Variants in VWC2L observed in about 807,000 individuals in gnomAD.
VWC2L encodes von Willebrand factor C domain containing 2 like.
VWC2L carries 10 observed loss-of-function variants against 21.6 expected under a neutral mutation model. The ratio of observed to expected loss-of-function variants is 0.46; its 90% CI spans 0.29 to 0.78. The LOEUF is 0.78. VWC2L is among the 30% of genes least tolerant of loss of function. The pLI is 0.10. For missense variants in VWC2L, 209 were observed against 277.1 expected, an observed-to-expected ratio of 0.75 and a Z score of 1.74; for synonymous variants, 96 against 94.3, an observed-to-expected ratio of 1.02 and a Z score of -0.10.
At chr2:214,470,198 A>C (rs1452520465) in intron 3 of VWC2L, among the ~76,000 whole-genome samples, 1 of 150,552 alleles carries the variant, frequency 6.6e-6, no homozygotes, top group African/African-American at 2.5e-5. Flanking sequence ...CTTGGAAATC[A>C]TTTTTGATAA....
rs184621584 is a variant in VWC2L, at chr2:214,444,357, T to G, written c.520+7599T>G. On this transcript the variant is annotated intron_variant, in intron 3 of 3. Coordinates refer to ENST00000312504, the MANE Select transcript of VWC2L (RefSeq NM_001080500.4). ...ATGGGCCAAAAACTTCAAAAGACAT[T>G]CCAGAGAAAATGAATAAACATTAAT... 1.3e-4 allele frequency among the ~76,000 whole-genome samples: 19 copies of G among 151,936 alleles called. No homozygotes were observed. The East Asian group carries it at 3.7e-3, about 29-fold the overall frequency.
chr2:214,413,474 G>C (rs955936845), intron 1 of VWC2L, among the ~76,000 whole-genome samples: 4 of 151,934 alleles, frequency 2.6e-5, no homozygotes, highest in African/African-American at 9.7e-5. Flanking sequence ...AATCACTATG[G>C]AATAGTTATG....
At chr2:214,491,328 G>T (rs1389531760) in intron 3 of VWC2L, among the ~76,000 whole-genome samples, 2 of 152,138 alleles carry the variant, frequency 1.3e-5, no homozygotes, top group African/African-American at 4.8e-5. Context: ...GAAGAAAGGG[G>T]TAATGTTTGG....
intron 3 of VWC2L, among the ~76,000 whole-genome samples, chr2:214,438,742 C>T (rs1214595237): frequency 2.6e-5 from 4 of 152,004 alleles, no homozygotes; most frequent in African/African-American, 7.2e-5. Flanking sequence ...TTCTCTCAAC[C>T]ATGTCAGAGT....
rs61621796 is a variant in VWC2L at position 214,438,840 on chromosome 2, C to A, written c.520+2082C>A. Among the ~76,000 whole-genome samples the A allele has an allele frequency of 8.6e-3, 1,312 of 152,016 alleles. 18 individuals are homozygous for A. Among genetic ancestry groups the A allele is most frequent in the African/African-American group, 0.029 (1,192 of 41,520 alleles). On this transcript the variant is annotated intron_variant, in intron 3 of 3. Coordinates refer to ENST00000312504, the MANE Select transcript of VWC2L (RefSeq NM_001080500.4). ...GTTCAATCAGTTAATTAATTAGTAA[C>A]CACTAGTATTTCTGATAAACAGATG...
At chr2:214,562,797 C>G (rs1053184366) in intron 3 of VWC2L, among the ~76,000 whole-genome samples, 2 of 152,104 alleles carry the variant, frequency 1.3e-5, no homozygotes, top group African/African-American at 2.4e-5. Flanking sequence ...ACGTCCTTTG[C>G]CCACTTTTTA....
chr2:214,447,350 C>G (rs763410041), intron 3 of VWC2L, among the ~76,000 whole-genome samples: 12 of 152,164 alleles, frequency 7.9e-5, no homozygotes, highest in Non-Finnish European at 1.6e-4. Flanking sequence ...ATCCATGTAT[C>G]TCTCAGAGGT....
At chr2:214,530,496 T>G (rs1005194485) in intron 3 of VWC2L, among the ~76,000 whole-genome samples, 2 of 152,162 alleles carry the variant, frequency 1.3e-5, no homozygotes, top group East Asian at 3.9e-4. Flanking sequence ...CCTTTATTAA[T>G]AACACATTCT....
intron 3 of VWC2L, among the ~76,000 whole-genome samples, chr2:214,465,565 C>T (rs541566684): frequency 2.6e-4 from 39 of 152,282 alleles, no homozygotes; most frequent in African/African-American, 9.4e-4. Flanking sequence ...AGGAATAACT[C>T]CTGGACCTGT....
At chr2:214,476,441 T>C (rs1688526995) in intron 3 of VWC2L, among the ~76,000 whole-genome samples, 2 of 152,112 alleles carry the variant, frequency 1.3e-5, no homozygotes, top group South Asian at 4.1e-4. Flanking sequence ...CAGAGCAGAG[T>C]ATCAAATGTC....
At chr2:214,424,049 C>G (rs377037490) in intron 2 of VWC2L, among the ~76,000 whole-genome samples, 2 of 152,114 alleles carry the variant, frequency 1.3e-5, no homozygotes, top group East Asian at 3.9e-4. Context: ...GGCTGATGAT[C>G]AATATCACCT....
At chr2:214,574,224 C>T (rs565221579) in intron 3 of VWC2L, among the ~76,000 whole-genome samples, 1 of 152,308 alleles carries the variant, frequency 6.6e-6, no homozygotes, top group African/African-American at 2.4e-5. Context: ...TTTGTCAGAG[C>T]TGACCCTTAT....
intron 3 of VWC2L, among the ~76,000 whole-genome samples, chr2:214,508,346 C>A (rs917708783): frequency 2.6e-5 from 4 of 152,122 alleles, no homozygotes; most frequent in Non-Finnish European, 5.9e-5. Context: ...TCTCTGGATT[C>A]GCCATTTGGT....
At chr2:214,442,122 G>C (rs903097674) in intron 3 of VWC2L, among the ~76,000 whole-genome samples, 2 of 152,094 alleles carry the variant, frequency 1.3e-5, no homozygotes, top group African/African-American at 4.8e-5. Context: ...GTGTTGGCCA[G>C]ACTGGTCTCG....
chr2:214,563,415 C>T (rs758390986), intron 3 of VWC2L, among the ~76,000 whole-genome samples: 13 of 151,662 alleles, frequency 8.6e-5, no homozygotes, highest in Non-Finnish European at 1.9e-4. Flanking sequence ...GGTATGGTGG[C>T]AGGTGCCTGT....
At chr2:214,541,029 T>C (rs1363356921) in intron 3 of VWC2L, among the ~76,000 whole-genome samples, 1 of 152,174 alleles carries the variant, frequency 6.6e-6, no homozygotes, top group Non-Finnish European at 1.5e-5. Flanking sequence ...TTGTTAATAC[T>C]TGGAAAGGAT....
intron 3 of VWC2L, among the ~76,000 whole-genome samples, chr2:214,565,713 G>A (rs1235266794): frequency 6.6e-6 from 1 of 152,132 alleles, no homozygotes; most frequent in East Asian, 1.9e-4. Flanking sequence ...ATAACAATAA[G>A]TAGAATCATA....
At chr2:214,496,147 T>G (rs984528192) in intron 3 of VWC2L, among the ~76,000 whole-genome samples, 2 of 147,566 alleles carry the variant, frequency 1.4e-5, no homozygotes, top group African/African-American at 4.9e-5. Flanking sequence ...CTGTATAGTA[T>G]AATACTATAG....
At chr2:214,503,759 T>G (rs958885109) in intron 3 of VWC2L, among the ~76,000 whole-genome samples, 7 of 151,544 alleles carry the variant, frequency 4.6e-5, no homozygotes, top group Non-Finnish European at 8.8e-5. Flanking sequence ...ATGATAAAAG[T>G]TTCTGTTTCC....
Sources: allele counts gnomAD v4.1 joint callset (sites outside exome capture counted in the v4.1 genomes callset), GRCh38; gene constraint gnomAD v4.1.1; transcripts MANE v1.5; gene names NCBI Gene and HGNC (gene_info 2026-07-23, HGNC 2026-07-21).